The following POU4F1 variants were observed in gnomAD, a reference collection of about 807,000 sequenced individuals.
The protein encoded by POU4F1 is POU domain, class 4, transcription factor 1.
In POU4F1, 5 loss-of-function variants were observed where a neutral mutation model predicts 19.8. That is an observed-to-expected ratio of 0.25 (90% CI 0.13 to 0.53). The LOEUF (loss-of-function observed/expected upper bound fraction) is 0.53. POU4F1 is among the 20% of genes least tolerant of loss of function. POU4F1 has a pLI of 0.96. For missense variants in POU4F1, 408 were observed against 511.6 expected, an observed-to-expected ratio of 0.80 and a Z score of 1.95; for synonymous variants, 266 against 247.7, an observed-to-expected ratio of 1.07 and a Z score of -0.69.
At position 78,601,987 on chromosome 13, in the gene POU4F1, C is replaced by G; in HGVS notation, c.688G>C (p.Ala230Pro). The G allele has an allele frequency of 1.0e-6, 1 of 981,316 alleles. No homozygotes were observed. Among genetic ancestry groups the G allele is most frequent in the Non-Finnish European group, 1.2e-6 (1 of 823,628 alleles). 60.8% of individuals were successfully genotyped at this position (981,316 alleles called of 1,614,324 possible). A position where few individuals can be genotyped will look rare whatever the true frequency, so the allele number is the denominator to read the frequency against. Reference sequence around the variant, plus strand: ...CCGGCCGCCGCCGCCGCCGCTGCCGCTGCCGCGCCGTGGTGCGCCGCCGCC... The same window carrying G: ...CCGGCCGCCGCCGCCGCCGCTGCCGGTGCCGCGCCGTGGTGCGCCGCCGCC... ...VAAAAHHGAA[A>P]AAAAAAAGQV... Residue 230 changes from alanine to proline, a missense_variant, in exon 2 of 2, where the codon GCG becomes CCG. This residue lies in a region of POU4F1 where 294 missense variants were observed against 288.2 expected (regional missense o/e 1.02). Coordinates refer to ENST00000377208, the MANE Select transcript of POU4F1 (RefSeq NM_006237.4).
At position 78,601,622 on chromosome 13, in the gene POU4F1, G is replaced by A; in HGVS notation, c.1053C>T (p.Asn351=). ...TCCGCTTGCGCTTCTTCTCGCCGCC[G>A]TTGAAGAGCTCAGGCTTGTTCATTT... ...REKMNKPELF[N]GGEKKRKRTS... is the part of the protein sequence containing the mutation. Residue 351 remains asparagine, a synonymous_variant, in exon 2 of 2, where the codon AAC becomes AAT. Transcript: ENST00000377208. The A allele has an allele frequency of 1.2e-6, 2 of 1,613,834 alleles. No individual in the cohort carries two copies. Among genetic ancestry groups the A allele is most frequent in the Non-Finnish European group, 1.7e-6 (2 of 1,179,994 alleles).
chr13:78,603,311 T>C lies in POU4F1; in HGVS notation c.16A>G (p.Ser6Gly). The C allele has an allele frequency of 6.3e-7, 1 of 1,581,038 alleles. No homozygotes were observed. The highest frequency in any genetic ancestry group is 8.6e-7 in the Non-Finnish European group (1 of 1,164,530). The stretch of plus-strand genomic sequence containing the variant: ...TGCATGGCAAAGTGAGGCTGCTTGC[T>C]GTTCATGGACATCATCGTGGCGGCT... MMSMNSKQPHFAMHPT... is the reference protein window; with the variant it reads MMSMNGKQPHFAMHPT... Residue 6 changes from serine (S) to glycine (G), a missense_variant, in exon 1 of 2, where the codon AGC becomes GGC. Ser to Gly is a moderately conservative substitution (Grantham distance 56, BLOSUM62 0). Transcript: ENST00000377208.
Position 78,602,395 on chromosome 13 carries a change from A to C in POU4F1, c.280T>G (p.Ser94Ala). The C allele has an allele frequency of 6.4e-7, 1 of 1,552,992 alleles. No individual in the cohort carries two copies. The highest frequency in any genetic ancestry group is 2.5e-5 in the East Asian group (1 of 40,644). Residue 94 changes from serine to alanine, a missense_variant, in exon 2 of 2, where the codon TCC (serine) becomes GCC (alanine). Transcript: ENST00000377208. ...TGGTGGTGCGCCAGAGGCACCGTGG[A>C]AGTGGACGTGCACGGCACGCTGTTC... ...TMNSVPCTST[S>A]TVPLAHHHHH... is the part of the protein sequence containing the mutation.
rs1294803002 is a variant in POU4F1 at position 78,599,100 on chromosome 13, T to C, written c.*2315A>G. 6.6e-6 allele frequency: 1 copy of C among 152,570 alleles called. No individual in the cohort carries two copies. The highest frequency in any genetic ancestry group is 1.5e-5 in the Non-Finnish European group (1 of 68,046). 9.5% of individuals were successfully genotyped at this position (152,570 alleles called of 1,614,324 possible). On this transcript the variant is annotated 3_prime_UTR_variant, in exon 2 of 2. Coordinates refer to ENST00000377208, the MANE Select transcript of POU4F1 (RefSeq NM_006237.4). Reference sequence around the variant, plus strand: ...CATTTCTTTGTGTTTTCTTTTTGTTTGGTTGTTTGTTGAAAGGTTCTACCA... The same window carrying C: ...CATTTCTTTGTGTTTTCTTTTTGTTCGGTTGTTTGTTGAAAGGTTCTACCA...
At position 78,603,533 on chromosome 13, in the gene POU4F1, C is replaced by T. The variant is rs1159391971; in HGVS notation, c.-207G>A. 3 of 711,934 alleles carry T rather than the reference C, an allele frequency of 4.2e-6. No individual in the cohort carries two copies. The African/African-American group carries it at 5.7e-5, about 14-fold the overall frequency. The allele number at this position is 711,934 out of a possible 1,614,324, so 44.1% of individuals were successfully genotyped here. On this transcript the variant is annotated 5_prime_UTR_variant, in exon 1 of 2. Coordinates refer to ENST00000377208, the MANE Select transcript of POU4F1 (RefSeq NM_006237.4). ...GAGCGCCGCGCGCCGGCCTCGCGGTCCCGCTTCTCCGACAGCTCTAGCCCC... is the reference window on the plus strand; with the variant it reads ...GAGCGCCGCGCGCCGGCCTCGCGGTTCCGCTTCTCCGACAGCTCTAGCCCC...
At position 78,601,668 on chromosome 13, in the gene POU4F1, G is replaced by A. The variant is rs781698554; in HGVS notation, c.1007C>T (p.Ala336Val). The change falls in exon 2 of 2, where the codon GCC becomes GTC. Residue 336 changes from alanine to valine, a missense_variant. Ala to Val is a moderately conservative substitution (Grantham distance 64). Around this residue, in one of 4 missense-constraint regions of POU4F1, gnomAD observed 39 missense variants for 36.8 expected, o/e 1.06. Transcript: ENST00000377208. Reference protein sequence around the residue: ...KPILQAWLEEAEGAQREKMNK... With the variant: ...KPILQAWLEEVEGAQREKMNK... Reference sequence around the variant, plus strand: ...CATTTTCTCGCGCTGGGCGCCCTCGGCCTCCTCGAGCCACGCCTGCAGGAT... The same window carrying A: ...CATTTTCTCGCGCTGGGCGCCCTCGACCTCCTCGAGCCACGCCTGCAGGAT... The A allele has an allele frequency of 1.2e-6, 2 of 1,613,686 alleles. No homozygotes were observed. The highest frequency in any genetic ancestry group is 1.7e-6 in the Non-Finnish European group (2 of 1,179,934).
Position 78,602,270 on chromosome 13 carries a change from G to C in POU4F1, c.405C>G (p.Gly135=), listed in dbSNP as rs1417301059. The change falls in exon 2 of 2, where the codon GGC becomes GGG. Residue 135 remains glycine (G), a synonymous_variant. Transcript: ENST00000377208. ...LALMAGAGGA[G]AAAGGGGAHD... is the part of the protein sequence containing the mutation. ...GGGCGCCGCCGCCGCCGGCCGCCGC[G>C]CCCGCGCCGCCCGCGCCGGCCATGA... 26 of 1,159,862 alleles carry C rather than the reference G, an allele frequency of 2.2e-5. No homozygotes were observed. The highest frequency in any genetic ancestry group is 2.5e-5 in the Non-Finnish European group (24 of 941,494). 71.8% of individuals were successfully genotyped at this position (1,159,862 alleles called of 1,614,324 possible). A position where few individuals can be genotyped will look rare whatever the true frequency, so the allele number is the denominator to read the frequency against.
chr13:78,600,456 C>G lies in POU4F1; in HGVS notation c.*959G>C, dbSNP rs1276524465. 1 of 152,158 alleles carries G rather than the reference C, an allele frequency of 6.6e-6. No individual in the cohort carries two copies. Among genetic ancestry groups the G allele is most frequent in the Non-Finnish European group, 1.5e-5 (1 of 68,046 alleles). The allele number at this position is 152,158 out of a possible 1,614,324, so 9.4% of individuals were successfully genotyped here. A position where few individuals can be genotyped will look rare whatever the true frequency, so the allele number is the denominator to read the frequency against. ...TTCATTTTCCTAGAATAAGATATCT[C>G]GAAGCTCCGGAATTCTGCTTTTTAG... On this transcript the variant is annotated 3_prime_UTR_variant, in exon 2 of 2. Coordinates refer to ENST00000377208, the MANE Select transcript of POU4F1 (RefSeq NM_006237.4).
rs1468756804 is a variant in POU4F1, at chr13:78,600,965, G to C, written c.*450C>G. The C allele has an allele frequency of 1.2e-5, 2 of 166,572 alleles. No individual in the cohort carries two copies. Among genetic ancestry groups the C allele is most frequent in the African/African-American group, 4.8e-5 (2 of 41,590 alleles). 10.3% of individuals were successfully genotyped at this position (166,572 alleles called of 1,614,324 possible). ...GTTTTGTTTTAGTTTGTCTTTATTTGTCTAGTTTTTGGTGGTTGGTAGGTT... is the reference window on the plus strand; with the variant it reads ...GTTTTGTTTTAGTTTGTCTTTATTTCTCTAGTTTTTGGTGGTTGGTAGGTT... On this transcript the variant is annotated 3_prime_UTR_variant, in exon 2 of 2. Transcript: ENST00000377208.
In POU4F1 at chr13:78,603,246, G is replaced by C; in HGVS notation, c.81C>G (p.Ser27=). 6.4e-7 allele frequency: 1 copy of C among 1,571,606 alleles called. No homozygotes were observed. The highest frequency in any genetic ancestry group is 8.6e-7 in the Non-Finnish European group (1 of 1,160,718). The change falls in exon 1 of 2, where the codon TCC becomes TCG. Residue 27 remains serine (S), a synonymous_variant. Coordinates refer to ENST00000377208, the MANE Select transcript of POU4F1 (RefSeq NM_006237.4). The stretch of plus-strand genomic sequence containing the variant: ...AGGCCCGCCGGATGGCCTCGGAGCT[G>C]GAGTGCAGCGACGGGTACTTGTGCT... ...LPEHKYPSLH[S]SSEAIRRACL...
Position 78,600,276 on chromosome 13 carries a change from AT to A in POU4F1, c.*1138del. On this transcript the variant is annotated 3_prime_UTR_variant, in exon 2 of 2. Coordinates refer to ENST00000377208, the MANE Select transcript of POU4F1 (RefSeq NM_006237.4). ...ACTTTCACCCCATTAGTCTATTTGA[AT>A]CAACAGGAAAAATCAGTAGTTTAAA... The A allele has an allele frequency of 6.6e-6, 1 of 152,178 alleles. No homozygotes were observed. Among genetic ancestry groups the A allele is most frequent in the East Asian group, 1.9e-4 (1 of 5,198 alleles). The allele number at this position is 152,178 out of a possible 1,614,324, so 9.4% of individuals were successfully genotyped here. A position where few individuals can be genotyped will look rare whatever the true frequency, so the allele number is the denominator to read the frequency against.
At position 78,599,531 on chromosome 13, in the gene POU4F1, GC is replaced by G. The variant is rs1207510692; in HGVS notation, c.*1883del. On this transcript the variant is annotated 3_prime_UTR_variant, in exon 2 of 2. Coordinates refer to ENST00000377208, the MANE Select transcript of POU4F1 (RefSeq NM_006237.4). ...CACAAAACGGTCTACCAGAAAGCTAGCCCAGTTTAGTGCTCAGTTTCAAATG... is the reference window on the plus strand; with the variant it reads ...CACAAAACGGTCTACCAGAAAGCTAGCCAGTTTAGTGCTCAGTTTCAAATG... 1 of 152,608 alleles carries G rather than the reference GC, an allele frequency of 6.6e-6. No individual in the cohort carries two copies. The highest frequency in any genetic ancestry group is 2.4e-5 in the African/African-American group (1 of 41,440). 9.5% of individuals were successfully genotyped at this position (152,608 alleles called of 1,614,324 possible). A position where few individuals can be genotyped will look rare whatever the true frequency, so the allele number is the denominator to read the frequency against.
chr13:78,602,684 G>T, intron 1 of POU4F1, 133 bp from the exon 2 acceptor site: 1 of 1,042,882 alleles, frequency 9.6e-7, no homozygotes, highest in Non-Finnish European at 1.3e-6. Context: ...AAATAACAAC[G>T]GGTTTGGGGG....
At position 78,601,923 on chromosome 13, in the gene POU4F1, C is replaced by T. The variant is rs761052903; in HGVS notation, c.752G>A (p.Gly251Asp). ...AAASAAAAVV[G>D]AAGLASICDS... is the part of the protein sequence containing the mutation. ...GCAGATGGACGCCAGGCCCGCTGCG[C>T]CCACCACGGCCGCCGCCGCCGATGC... The change falls in exon 2 of 2, where the codon GGC becomes GAC. Residue 251 changes from glycine to aspartate, a missense_variant. By Grantham distance (94) the Gly-to-Asp change is moderately conservative. Coordinates refer to ENST00000377208, the MANE Select transcript of POU4F1 (RefSeq NM_006237.4). 8.5e-6 allele frequency: 11 copies of T among 1,295,946 alleles called. No individual in the cohort carries two copies. The highest frequency in any genetic ancestry group is 6.8e-6 in the Non-Finnish European group (7 of 1,024,604). The allele number at this position is 1,295,946 out of a possible 1,614,324, so 80.3% of individuals were successfully genotyped here. A position where few individuals can be genotyped will look rare whatever the true frequency, so the allele number is the denominator to read the frequency against.
In POU4F1 at chr13:78,600,451, T is replaced by C. The variant is rs987473660; in HGVS notation, c.*964A>G. 6.6e-6 allele frequency: 1 copy of C among 152,202 alleles called. No homozygotes were observed. The highest frequency in any genetic ancestry group is 1.5e-5 in the Non-Finnish European group (1 of 68,046). 9.4% of individuals were successfully genotyped at this position (152,202 alleles called of 1,614,324 possible). A position where few individuals can be genotyped will look rare whatever the true frequency, so the allele number is the denominator to read the frequency against. ...ATTGTTTCATTTTCCTAGAATAAGA[T>C]ATCTCGAAGCTCCGGAATTCTGCTT... On this transcript the variant is annotated 3_prime_UTR_variant, in exon 2 of 2. Transcript: ENST00000377208.
chr13:78,601,921 C>T lies in POU4F1; in HGVS notation c.754G>A (p.Ala252Thr), dbSNP rs763743520. 1.5e-6 allele frequency: 2 copies of T among 1,336,186 alleles called. No homozygotes were observed. Among genetic ancestry groups the T allele is most frequent in the Non-Finnish European group, 9.6e-7 (1 of 1,046,118 alleles). The allele number at this position is 1,336,186 out of a possible 1,614,324, so 82.8% of individuals were successfully genotyped here. The change falls in exon 2 of 2, where the codon GCA becomes ACA. Residue 252 changes from alanine to threonine, a missense_variant. By Grantham distance (58) the Ala-to-Thr change is moderately conservative. Coordinates refer to ENST00000377208, the MANE Select transcript of POU4F1 (RefSeq NM_006237.4). ...TCGCAGATGGACGCCAGGCCCGCTG[C>T]GCCCACCACGGCCGCCGCCGCCGAT... is the stretch of plus-strand genomic sequence containing the variant. ...AASAAAAVVG[A>T]AGLASICDSD... is the part of the protein sequence containing the mutation.
At position 78,602,508 on chromosome 13, in the gene POU4F1, G is replaced by T. The variant is rs1447375696; in HGVS notation, c.167C>A (p.Ala56Glu). The change falls in exon 2 of 2, where the codon GCG (alanine) becomes GAG (glutamate). Residue 56 changes from alanine (A) to glutamate (E), a missense_variant. Transcript: ENST00000377208. ...LFASLDETLL[A>E]RAEALAAVDI... ...CACGGCCGCCAGCGCCTCGGCCCGC[G>T]CCAGCAGCGTCTCGTCCAGGCTGGC... The T allele has an allele frequency of 6.3e-7, 1 of 1,588,014 alleles. No homozygotes were observed. The highest frequency in any genetic ancestry group is 8.5e-7 in the Non-Finnish European group (1 of 1,170,002).
rs985064605 is a variant in POU4F1, at chr13:78,599,043, T to C, written c.*2372A>G. 1.3e-5 allele frequency: 2 copies of C among 152,290 alleles called. No homozygotes were observed. The highest frequency in any genetic ancestry group is 4.8e-5 in the African/African-American group (2 of 41,450). 9.4% of individuals were successfully genotyped at this position (152,290 alleles called of 1,614,324 possible). ...ATACATCATTCTCAATCTCTCCCCT[T>C]TTTGTCCCCCTTCAACACCCTACCC... On this transcript the variant is annotated 3_prime_UTR_variant, in exon 2 of 2. Coordinates refer to ENST00000377208, the MANE Select transcript of POU4F1 (RefSeq NM_006237.4).
In POU4F1 at chr13:78,599,597, A is replaced by T. The variant is rs1874617215; in HGVS notation, c.*1818T>A. On this transcript the variant is annotated 3_prime_UTR_variant, in exon 2 of 2. Coordinates refer to ENST00000377208, the MANE Select transcript of POU4F1 (RefSeq NM_006237.4). ...CCTGCAAACAATGATATACAACATA[A>T]TTAAATAAATAATGCCTAACCAGAG... 6.6e-6 allele frequency: 1 copy of T among 152,660 alleles called. No homozygotes were observed. The highest frequency in any genetic ancestry group is 1.5e-5 in the Non-Finnish European group (1 of 68,050). 9.5% of individuals were successfully genotyped at this position (152,660 alleles called of 1,614,324 possible).
Sources: allele counts gnomAD v4.1 joint callset, GRCh38; gene constraint gnomAD v4.1.1; regional missense constraint gnomAD v4.1.1; transcripts MANE v1.5; gene names NCBI Gene and HGNC (gene_info 2026-07-23, HGNC 2026-07-21).